The following PCDHA12 variants were observed in gnomAD, a reference collection of about 807,000 sequenced individuals.
PCDHA12 encodes protocadherin alpha-12.
PCDHA12 carries 44 observed loss-of-function variants against 60.0 expected under a neutral mutation model. The ratio of observed to expected loss-of-function variants is 0.73; its 90% CI spans 0.58 to 0.94. PCDHA12 has a LOEUF of 0.94. Among genes scored for constraint, PCDHA12 ranks in the 40% least tolerant of loss-of-function variants. The probability of loss-of-function intolerance (pLI) is 0.00; values close to 1 mark genes in which losing one functional copy is unlikely to be tolerated. For missense variants in PCDHA12, 1,276 were observed against 1,239.7 expected (o/e 1.03, Z -0.44); for synonymous variants, 569 against 553.0 (o/e 1.03, Z -0.40).
intron 1 of PCDHA12, among the ~76,000 whole-genome samples, chr5:140,961,983 A>C (rs941028423): frequency 1.3e-5 from 2 of 151,532 alleles, no homozygotes; most frequent in Non-Finnish European, 2.9e-5. Context: ...TCCTGGGTTC[A>C]CGCCATTGTC....
intron 1 of PCDHA12, among the ~76,000 whole-genome samples, chr5:140,972,103 CA>C (rs1388508761): frequency 2.0e-5 from 3 of 152,104 alleles, no homozygotes; most frequent in Non-Finnish European, 4.4e-5. Context: ...GGCATAGAAG[CA>C]GGTAACAAAT....
intron 1 of PCDHA12, among the ~76,000 whole-genome samples, chr5:140,956,898 T>G (rs1554222699): frequency 6.6e-6 from 1 of 152,218 alleles, no homozygotes; most frequent in Admixed American, 6.6e-5. Flanking sequence ...ATGAATATTC[T>G]TAAATGTATA....
intron 1 of PCDHA12, among the ~76,000 whole-genome samples, chr5:140,939,605 G>GAACAAGGA (rs1468383916): frequency 1.3e-5 from 2 of 152,082 alleles, no homozygotes; most frequent in African/African-American, 4.8e-5. Flanking sequence ...CTCAAAAACA[G>GAACAAGGA]AACAAGGAGA....
At chr5:141,005,822 C>T (rs1248291613) in intron 3 of PCDHA12, among the ~76,000 whole-genome samples, 2 of 151,298 alleles carry the variant, frequency 1.3e-5, no homozygotes, top group Non-Finnish European at 2.9e-5. Context: ...GTATGGTGGC[C>T]TGTAGTCCCA....
At chr5:140,952,529 G>A (rs1404753711) in intron 1 of PCDHA12, among the ~76,000 whole-genome samples, 1 of 152,084 alleles carries the variant, frequency 6.6e-6, no homozygotes, top group East Asian at 1.9e-4. Context: ...GACCTCCTCA[G>A]ACTGGACTTC....
chr5:140,976,781 T>C (rs1238344428), intron 1 of PCDHA12, among the ~76,000 whole-genome samples: 26 of 152,206 alleles, frequency 1.7e-4, no homozygotes, highest in Admixed American at 1.6e-3. Flanking sequence ...TCTGACTATA[T>C]AGCTACGCTT....
intron 1 of PCDHA12, chr5:140,968,462 A>G: frequency 6.2e-7 from 1 of 1,614,104 alleles, no homozygotes; most frequent in African/African-American, 1.3e-5. Flanking sequence ...TGTGACTGCC[A>G]ACGTATATGT....
rs1192658029 is a variant in PCDHA12 at position 141,011,915 on chromosome 5, A to G, written c.*1978A>G. On this transcript the variant is annotated 3_prime_UTR_variant, in exon 4 of 4. Coordinates refer to ENST00000398631, the MANE Select transcript of PCDHA12 (RefSeq NM_018903.4). Reference sequence around the variant, plus strand: ...ATATTATCTATTTAGGCATTAATATAAAAGAGGTAGGAGTCTGTTATTTAA... The same window carrying G: ...ATATTATCTATTTAGGCATTAATATGAAAGAGGTAGGAGTCTGTTATTTAA... 1 of 153,728 alleles carries G rather than the reference A, an allele frequency of 6.5e-6. No homozygotes were observed. Among genetic ancestry groups the G allele is most frequent in the Admixed American group, 6.5e-5 (1 of 15,286 alleles). 9.5% of individuals were successfully genotyped at this position (153,728 alleles called of 1,614,324 possible). A position where few individuals can be genotyped will look rare whatever the true frequency, so the allele number is the denominator to read the frequency against.
Position 140,924,861 on chromosome 5 carries a change from C to T in PCDHA12, c.2367+47022C>T, listed in dbSNP as rs150955497. ...AGGGAGCTCAGATCGTGCCACTGCA[C>T]TCCAGCCTGGGTGACAGAGCAAGAA... On this transcript the variant is annotated intron_variant, in intron 1 of 3. Transcript: ENST00000398631. Among the ~76,000 whole-genome samples, 427 of 150,140 alleles carry T rather than the reference C, an allele frequency of 2.8e-3. 1 individual carries two copies. The highest frequency in any genetic ancestry group is 0.01 in the African/African-American group (408 of 40,512).
intron 3 of PCDHA12, chr5:140,988,966 GGA>G (rs1339632887): frequency 2.0e-5 from 3 of 152,162 alleles, no homozygotes; most frequent in African/African-American, 7.2e-5. Flanking sequence ...GCCCCACGAT[GGA>G]GAGAAGCAGG....
chr5:140,933,423 A>G (rs2089141997), intron 1 of PCDHA12, among the ~76,000 whole-genome samples: 1 of 152,144 alleles, frequency 6.6e-6, no homozygotes, highest in Non-Finnish European at 1.5e-5. Flanking sequence ...TTCTGTGTTC[A>G]TAGGGGCACT....
At position 140,997,506 on chromosome 5, in the gene PCDHA12, T is replaced by A. The variant is rs147089901; in HGVS notation, c.2516-12121T>A. On this transcript the variant is annotated intron_variant, in intron 3 of 3. Coordinates refer to ENST00000398631, the MANE Select transcript of PCDHA12 (RefSeq NM_018903.4). ...AAGTATTTGTGTATCTCAACATACC[T>A]AAACGCAGAAAAAGTACAATAAAAA... Among the ~76,000 whole-genome samples the A allele has an allele frequency of 4.4e-3, 665 of 152,304 alleles. 5 individuals are homozygous for A. Among genetic ancestry groups the A allele is most frequent in the African/African-American group, 0.015 (619 of 41,574 alleles).
At chr5:140,912,914 T>C (rs141956430) in intron 1 of PCDHA12, among the ~76,000 whole-genome samples, 326 of 152,372 alleles carry the variant, frequency 2.1e-3, no homozygotes, top group African/African-American at 7.4e-3. Context: ...ATTGATTGAT[T>C]TGTGTATGTT....
At chr5:140,989,555 T>G (rs923190578) in intron 3 of PCDHA12, among the ~76,000 whole-genome samples, 1 of 152,204 alleles carries the variant, frequency 6.6e-6, no homozygotes, top group African/African-American at 2.4e-5. Flanking sequence ...CCTTTACGTT[T>G]TGTGGCTCCG....
At chr5:140,886,501 T>C (rs1171128056) in intron 1 of PCDHA12, among the ~76,000 whole-genome samples, 1 of 152,108 alleles carries the variant, frequency 6.6e-6, no homozygotes, top group Non-Finnish European at 1.5e-5. Flanking sequence ...TCTTTTTCCT[T>C]TTATGGATTT....
chr5:140,916,303 A>G (rs2077518127), intron 1 of PCDHA12, among the ~76,000 whole-genome samples: 1 of 152,176 alleles, frequency 6.6e-6, no homozygotes, highest in Admixed American at 6.5e-5. Context: ...ACTGGTACCA[A>G]AGGTGCAAGA....
chr5:140,891,374 A>G (rs960838202), intron 1 of PCDHA12, among the ~76,000 whole-genome samples: 11 of 151,996 alleles, frequency 7.2e-5, no homozygotes, highest in Non-Finnish European at 1.3e-4. Flanking sequence ...TATACATTGC[A>G]CCATATTTGC....
intron 3 of PCDHA12, chr5:140,989,000 GAGACTTATTAT>G (rs2097324899): frequency 6.6e-6 from 1 of 152,202 alleles, no homozygotes; most frequent in Non-Finnish European, 1.5e-5. Flanking sequence ...TAAGGAAATA[GAGACTTATTAT>G]AGTTTCTTCA....
intron 1 of PCDHA12, among the ~76,000 whole-genome samples, chr5:140,954,400 A>G (rs1349668578): frequency 6.6e-6 from 1 of 152,214 alleles, no homozygotes; most frequent in East Asian, 1.9e-4. Context: ...CAACCCCACC[A>G]ACAGGGTAAA....
Sources: allele counts gnomAD v4.1 joint callset (sites outside exome capture counted in the v4.1 genomes callset), GRCh38; gene constraint gnomAD v4.1.1; transcripts MANE v1.5; gene names NCBI Gene and HGNC (gene_info 2026-07-23, HGNC 2026-07-21).